Variants in TMEM181 observed in about 807,000 individuals in gnomAD.
The protein encoded by TMEM181 is transmembrane protein 181.
Under a neutral mutation model 71.9 loss-of-function variants are expected in TMEM181, and 39 were observed. The observed-to-expected ratio is 0.54, with a 90% CI of 0.42 to 0.71. TMEM181 has a LOEUF of 0.71. TMEM181 is among the 30% of genes least tolerant of loss of function. The pLI, the probability that TMEM181 is intolerant of heterozygous loss-of-function variation, is 0.00. For missense variants in TMEM181, 595 were observed against 583.0 expected (o/e 1.02, Z -0.21); for synonymous variants, 245 against 228.8 (o/e 1.07, Z -0.64).
chr6:158,559,985 G>A (rs992652833), upstream of TMEM181: 18 of 931,750 alleles, frequency 1.9e-5, no homozygotes, highest in Non-Finnish European at 2.3e-5. Context: ...CACGAAGGAG[G>A]GCCACCCCCC....
exon 1 of TMEM181, chr6:158,536,846 A>C (rs1781126265): frequency 1.3e-6 from 2 of 1,495,264 alleles, no homozygotes; most frequent in African/African-American, 1.4e-5. Context: ...CACGCCCTTC[A>C]AGGATGACCG....
chr6:158,624,860 G>T (rs1289588644), intron 11 of TMEM181, among the ~76,000 whole-genome samples: 2 of 152,230 alleles, frequency 1.3e-5, no homozygotes, highest in African/African-American at 4.8e-5. Flanking sequence ...GGTGGGAGGG[G>T]TTTGGGCTCT....
At chr6:158,557,974 G>A (rs569079489), upstream of TMEM181, among the ~76,000 whole-genome samples, 3 of 152,252 alleles carry the variant, frequency 2.0e-5, no homozygotes, top group East Asian at 1.9e-4. Flanking sequence ...ATGAGAAAAC[G>A]AGTATGACGG....
chr6:158,564,751 A>G (rs144384263), intron 1 of TMEM181, among the ~76,000 whole-genome samples: 3 of 152,236 alleles, frequency 2.0e-5, no homozygotes, highest in African/African-American at 2.4e-5. Context: ...GCCTGCTGTC[A>G]TGTGGTCAGG....
intron 6 of TMEM181, among the ~76,000 whole-genome samples, chr6:158,598,389 G>A (rs1411565795): frequency 3.9e-5 from 6 of 152,120 alleles, no homozygotes; most frequent in South Asian, 2.1e-4. Flanking sequence ...TGACTGGGGA[G>A]TGAGATGAAA....
chr6:158,560,601 C>G (rs1315103577), intron 1 of TMEM181, among the ~76,000 whole-genome samples: 1 of 152,134 alleles, frequency 6.6e-6, no homozygotes, highest in Non-Finnish European at 1.5e-5. Flanking sequence ...CGCCGCCTCC[C>G]GGGCAGCCTC....
intron 1 of TMEM181, among the ~76,000 whole-genome samples, chr6:158,565,641 G>A (rs1266368259): frequency 2.0e-5 from 3 of 152,222 alleles, no homozygotes; most frequent in Non-Finnish European, 4.4e-5. Context: ...AGGGAAGAGT[G>A]AGTTAGTAAA....
intron 13 of TMEM181, among the ~76,000 whole-genome samples, chr6:158,627,599 CGCAGAACAGGGCACCG>C (rs1462983415): frequency 7.4e-6 from 1 of 135,024 alleles, no homozygotes; most frequent in Admixed American, 7.8e-5. Flanking sequence ...TGCCCCAGGC[CGCAGAACAGGGCACCG>C]GCAGCCTGGG....
chr6:158,568,596 C>T (rs775100671), intron 1 of TMEM181, among the ~76,000 whole-genome samples: 12 of 152,138 alleles, frequency 7.9e-5, no homozygotes, highest in Middle Eastern at 3.2e-3. Context: ...TAGAAATATC[C>T]TCCCTTGGGG....
chr6:158,549,231 C>A (rs1224622646), intron 1 of TMEM181, among the ~76,000 whole-genome samples: 1 of 151,250 alleles, frequency 6.6e-6, no homozygotes, highest in Non-Finnish European at 1.5e-5. Context: ...AATTCTTCTG[C>A]CTCAGCCTCC....
chr6:158,540,257 G>T (rs182845284), intron 1 of TMEM181, among the ~76,000 whole-genome samples: 1 of 152,312 alleles, frequency 6.6e-6, no homozygotes, highest in East Asian at 1.9e-4. Context: ...GAATGTTCAC[G>T]CACTGCGGAT....
At chr6:158,590,676 A>G (rs569808628) in intron 6 of TMEM181, among the ~76,000 whole-genome samples, 2 of 152,172 alleles carry the variant, frequency 1.3e-5, no homozygotes, top group Admixed American at 6.5e-5. Flanking sequence ...GTTGGCCAGG[A>G]TGGTCTTGAT....
intron 7 of TMEM181, among the ~76,000 whole-genome samples, 169 bp downstream of exon 7, chr6:158,605,516 G>T (rs886317722): frequency 6.6e-6 from 1 of 152,140 alleles, no homozygotes; most frequent in Non-Finnish European, 1.5e-5. Flanking sequence ...AGATGCTGCC[G>T]TGCAAGAAAA....
chr6:158,536,791 G>A lies in TMEM181; in HGVS notation c.57G>A (p.Leu19=), dbSNP rs1374927587. Residue 19 remains leucine, a synonymous_variant, in exon 1 of 17, where the codon CTG becomes CTA. Transcript: ENST00000367090. Reference sequence around the variant, plus strand: ...CGCTCTGCAGCGAGCTCAAGCACCTGTGCCGGCGGCTGCGGGAAGCGTACC... The same window carrying A: ...CGCTCTGCAGCGAGCTCAAGCACCTATGCCGGCGGCTGCGGGAAGCGTACC... 2.6e-6 allele frequency: 4 copies of A among 1,565,884 alleles called. No homozygotes were observed. In the African/African-American group the frequency reaches 4.2e-5, roughly 16 times the overall value.
At chr6:158,544,271 C>T (rs1349795040) in intron 1 of TMEM181, among the ~76,000 whole-genome samples, 1 of 150,758 alleles carries the variant, frequency 6.6e-6, no homozygotes, top group Non-Finnish European at 1.5e-5. Context: ...TCTGGCCTAG[C>T]TCAGGAGCTG....
chr6:158,562,619 G>A (rs1018858657), intron 1 of TMEM181, among the ~76,000 whole-genome samples: 1 of 152,118 alleles, frequency 6.6e-6, no homozygotes, highest in South Asian at 2.1e-4. Context: ...GTATCCTGGA[G>A]CCCTGCTGTG....
chr6:158,569,390 A>AGTTACTT (rs1365472244), intron 1 of TMEM181, among the ~76,000 whole-genome samples: 1 of 152,206 alleles, frequency 6.6e-6, no homozygotes, highest in Non-Finnish European at 1.5e-5. Context: ...GGTTATACCC[A>AGTTACTT]GCTTACACTT....
At chr6:158,631,058 C>T (rs556109223) in intron 15 of TMEM181, among the ~76,000 whole-genome samples, 17 of 152,364 alleles carry the variant, frequency 1.1e-4, no homozygotes, top group Admixed American at 6.5e-4. Context: ...GCAGCTCGTG[C>T]GTGGGCAATG....
At chr6:158,601,175 A>G (rs1784650454) in intron 6 of TMEM181, among the ~76,000 whole-genome samples, 2 of 152,208 alleles carry the variant, frequency 1.3e-5, no homozygotes, top group Non-Finnish European at 2.9e-5. Context: ...TTTTGGGTTT[A>G]TAGTAGTAAC....
Sources: allele counts gnomAD v4.1 joint callset (sites outside exome capture counted in the v4.1 genomes callset), GRCh38; gene constraint gnomAD v4.1.1; transcripts MANE v1.5; gene names NCBI Gene and HGNC (gene_info 2026-07-23, HGNC 2026-07-21).